SHISA9: variants seen among roughly 807,000 people sequenced by gnomAD.
The protein encoded by SHISA9 is protein shisa-9.
In SHISA9, 13 loss-of-function variants were observed where a neutral mutation model predicts 38.0. That is an observed-to-expected ratio of 0.34 (90% CI 0.22 to 0.54). The LOEUF (loss-of-function observed/expected upper bound fraction) is 0.54, where lower values mean the gene tolerates loss of function less well. Among genes scored for constraint, SHISA9 ranks in the 20% least tolerant of loss-of-function variants. The pLI, the probability that SHISA9 is intolerant of heterozygous loss-of-function variation, is 0.91. For synonymous variants in SHISA9, 275 were observed against 242.0 expected (o/e 1.14, Z -1.27); for missense variants, 538 against 575.8 (o/e 0.93, Z 0.67).
intron 2 of SHISA9, among the ~76,000 whole-genome samples, chr16:13,071,557 TTTCCTTCCTTCCTCCCTTCCTCCC>T (rs1268067518): frequency 2.0e-4 from 26 of 130,908 alleles, no homozygotes; most frequent in Middle Eastern, 7.0e-3. Context: ...CCATTCCCTT[TTTCCTTCCTTCCTCCCTTCCTCCC>T]TTCCTTCCTT....
chr16:13,369,176 C>T, the SHISA9 span, among the ~76,000 whole-genome samples: 37 of 152,086 alleles, frequency 2.4e-4, no homozygotes, highest in East Asian at 6.8e-3. Flanking sequence ...TGAAAGCGTA[C>T]AAAATAGTAT....
rs372458883 is a variant in SHISA9, at chr16:13,209,959, G to C, written c.848-3294G>C. 2.0e-5 allele frequency among the ~76,000 whole-genome samples: 3 copies of C among 152,130 alleles called. No homozygotes were observed. The East Asian group carries it at 5.8e-4, about 29-fold the overall frequency. ...ACTAAAAATACAAAGAAATTAGCTG[G>C]GTGTGGTGGCACATGCCTGTAGTCT... On this transcript the variant is annotated intron_variant, in intron 3 of 4. Transcript: ENST00000558583.
chr16:13,091,921 C>A (rs2073779159), intron 2 of SHISA9, among the ~76,000 whole-genome samples: 1 of 152,336 alleles, frequency 6.6e-6, no homozygotes, highest in Admixed American at 6.5e-5. Flanking sequence ...GCTCTGGTTT[C>A]TCCCCATCTA....
the SHISA9 span, among the ~76,000 whole-genome samples, chr16:13,445,171 T>C: frequency 6.6e-6 from 1 of 151,752 alleles, no homozygotes; most frequent in Non-Finnish European, 1.5e-5. Flanking sequence ...CTGGAAAAGA[T>C]TTCTTTTTCA....
chr16:13,399,071 T>A, the SHISA9 span, among the ~76,000 whole-genome samples: 1 of 152,032 alleles, frequency 6.6e-6, no homozygotes, highest in East Asian at 1.9e-4. Flanking sequence ...CCTGGCAATA[T>A]CTTGAAACCC....
intron 2 of SHISA9, among the ~76,000 whole-genome samples, chr16:13,127,194 A>T (rs1234611682): frequency 2.3e-5 from 3 of 131,444 alleles, no homozygotes. Flanking sequence ...TGGGAGAGAG[A>T]AAGAAAGAGG....
chr16:13,406,626 G>A, the SHISA9 span, among the ~76,000 whole-genome samples: 2 of 152,208 alleles, frequency 1.3e-5, no homozygotes, highest in African/African-American at 2.4e-5. Flanking sequence ...ACACGACCCT[G>A]CGGGTTGGGA....
intron 2 of SHISA9, among the ~76,000 whole-genome samples, chr16:12,934,851 A>C (rs1049651863): frequency 1.3e-5 from 2 of 152,186 alleles, no homozygotes; most frequent in Non-Finnish European, 2.9e-5. Context: ...ACAAAAGTCA[A>C]TTCTTCTTCA....
At chr16:13,481,588 C>T in the SHISA9 span, among the ~76,000 whole-genome samples, 13 of 152,184 alleles carry the variant, frequency 8.5e-5, no homozygotes, top group Non-Finnish European at 1.9e-4. Context: ...TGTCTCTGCC[C>T]TGTAAACACT....
chr16:13,239,709 A>G lies in SHISA9; in HGVS notation c.*4300A>G, dbSNP rs1050803549. The G allele has an allele frequency of 7.2e-5, 11 of 151,738 alleles. No individual in the cohort carries two copies. Among genetic ancestry groups the G allele is most frequent in the African/African-American group, 2.7e-4 (11 of 41,272 alleles). The allele number at this position is 151,738 out of a possible 1,614,324, so 9.4% of individuals were successfully genotyped here. On this transcript the variant is annotated 3_prime_UTR_variant, in exon 5 of 5. Transcript: ENST00000558583. Reference sequence around the variant, plus strand: ...TGTTTTTTTCTTGTAAATTTGTTTGAGTTCATTGTAGATTCTGGATATTAG... The same window carrying G: ...TGTTTTTTTCTTGTAAATTTGTTTGGGTTCATTGTAGATTCTGGATATTAG...
the SHISA9 span, among the ~76,000 whole-genome samples, chr16:13,360,048 G>C: frequency 2.0e-5 from 3 of 152,174 alleles, no homozygotes; most frequent in African/African-American, 7.2e-5. Context: ...GACTTGCTGG[G>C]CTAAAGCGTG....
chr16:13,158,954 C>T (rs1293858537), intron 2 of SHISA9, among the ~76,000 whole-genome samples: 3 of 149,634 alleles, frequency 2.0e-5, no homozygotes, highest in South Asian at 2.1e-4. Context: ...CAGCTACTCG[C>T]GAGGCTGAGG....
chr16:13,246,051 T>C, the SHISA9 span, among the ~76,000 whole-genome samples: 1 of 152,218 alleles, frequency 6.6e-6, no homozygotes, highest in Non-Finnish European at 1.5e-5. Context: ...GATTCTAGTT[T>C]TTTATTTAAA....
At chr16:12,938,533 T>C (rs2071565100) in intron 2 of SHISA9, among the ~76,000 whole-genome samples, 1 of 152,110 alleles carries the variant, frequency 6.6e-6, no homozygotes, top group African/African-American at 2.4e-5. Context: ...GTTTCACTCT[T>C]GTTGCCCAGG....
intron 2 of SHISA9, among the ~76,000 whole-genome samples, chr16:13,199,752 C>T (rs1003199558): frequency 7.9e-5 from 12 of 152,162 alleles, no homozygotes; most frequent in Admixed American, 2.0e-4. Context: ...CACATGCTCT[C>T]CTCTGGTCCA....
At chr16:13,455,289 T>C in the SHISA9 span, among the ~76,000 whole-genome samples, 1 of 152,204 alleles carries the variant, frequency 6.6e-6, no homozygotes, top group Admixed American at 6.5e-5. Context: ...TTGTCCCAAG[T>C]CATTCTCTGC....
the SHISA9 span, among the ~76,000 whole-genome samples, chr16:13,501,320 G>C: frequency 6.6e-6 from 1 of 152,126 alleles, no homozygotes; most frequent in African/African-American, 2.4e-5. Context: ...CTCTGATCTA[G>C]AGGTGAACAT....
chr16:12,939,292 C>T (rs1325179701), intron 2 of SHISA9, among the ~76,000 whole-genome samples: 3 of 152,166 alleles, frequency 2.0e-5, no homozygotes, highest in Non-Finnish European at 4.4e-5. Context: ...CCATGTTGGC[C>T]AAGCTGGTCT....
At chr16:13,398,308 T>A in the SHISA9 span, among the ~76,000 whole-genome samples, 30 of 152,262 alleles carry the variant, frequency 2.0e-4, no homozygotes, top group African/African-American at 7.2e-4. Flanking sequence ...CACTTCCCGG[T>A]CCCCCTTCTG....
Sources: allele counts gnomAD v4.1 joint callset (sites outside exome capture counted in the v4.1 genomes callset), GRCh38; gene constraint gnomAD v4.1.1; transcripts MANE v1.5; gene names NCBI Gene and HGNC (gene_info 2026-07-23, HGNC 2026-07-21).